The following WDR4 variants were observed in gnomAD, a reference collection of about 807,000 sequenced individuals.
WDR4 encodes the protein WDR4 tRNA N7-guanosine methyltransferase non-catalytic subunit, also known as tRNA (guanine-N(7)-)-methyltransferase non-catalytic subunit WDR4.
WDR4 carries 47 observed loss-of-function variants against 48.6 expected under a neutral mutation model. The observed-to-expected ratio is 0.97, with a 90% CI of 0.77 to 1.23. WDR4 has a LOEUF of 1.23. Among genes scored for constraint, WDR4 ranks in the 50% most tolerant of loss-of-function variants. The pLI is 0.00. For synonymous variants in WDR4, 268 were observed against 230.0 expected, an observed-to-expected ratio of 1.17 and a Z score of -1.49; for missense variants, 606 against 551.6, an observed-to-expected ratio of 1.10 and a Z score of -0.99.
downstream of WDR4, among the ~76,000 whole-genome samples, chr21:42,848,923 G>A (rs1201573477): frequency 4.0e-5 from 3 of 74,984 alleles, no homozygotes; most frequent in African/African-American, 1.1e-4. Context: ...ACGATCACGC[G>A]GCGCGCACCT....
At position 42,873,740 on chromosome 21, in the gene WDR4, G is replaced by A. The variant is rs773818706; in HGVS notation, c.156-49C>T. ...GTTAAGCTTCACCTAAGGAAATAAG[G>A]CTGCATTCCTTGTTGGCCAGCGTGG... On this transcript the variant is annotated intron_variant, in intron 2 of 10. Coordinates refer to ENST00000398208, the MANE Select transcript of WDR4 (RefSeq NM_018669.6). 14 of 1,588,336 alleles carry A rather than the reference G, an allele frequency of 8.8e-6. No individual in the cohort carries two copies. In the Admixed American group the frequency reaches 1.9e-4, roughly 22 times the overall value.
chr21:42,868,654 AC>A (rs2058303330), intron 3 of WDR4, among the ~76,000 whole-genome samples: 1 of 152,240 alleles, frequency 6.6e-6, no homozygotes, highest in African/African-American at 2.4e-5. Flanking sequence ...CTTGGGCCCC[AC>A]AGGCAGCCTA....
chr21:42,892,077 C>T, the WDR4 span, among the ~76,000 whole-genome samples: 1 of 150,896 alleles, frequency 6.6e-6, no homozygotes, highest in Non-Finnish European at 1.5e-5. Context: ...CACGGTGAAA[C>T]CCTGTCTCTA....
intron 10 of WDR4, among the ~76,000 whole-genome samples, chr21:42,851,229 C>T (rs897110167): frequency 1.1e-4 from 16 of 152,196 alleles, no homozygotes; most frequent in Non-Finnish European, 2.4e-4. Context: ...TGAGCACTGC[C>T]GCCTGCAGTC....
chr21:42,879,010 G>T, intron 1 of WDR4: 1 of 1,021,302 alleles, frequency 9.8e-7, no homozygotes, highest in Non-Finnish European at 1.2e-6. Context: ...CCCGAGACCC[G>T]CTTCTTCCCA....
rs775340362 is a variant in WDR4 at position 42,863,413 on chromosome 21, C to T, written c.453+27G>A. 3 of 1,593,602 alleles carry T rather than the reference C, an allele frequency of 1.9e-6. No homozygotes were observed. The South Asian group carries it at 3.3e-5, about 18-fold the overall frequency. On this transcript the variant is annotated intron_variant, in intron 4 of 10. Transcript: ENST00000398208. ...GTACCGTGTCCCACACCTGCCATGTCCCCCACCTACCACGTCCCCCACCTA... is the reference window on the plus strand; with the variant it reads ...GTACCGTGTCCCACACCTGCCATGTTCCCCACCTACCACGTCCCCCACCTA...
chr21:42,843,957 T>C (rs1253820250), intron 11 of WDR4, among the ~76,000 whole-genome samples: 1 of 152,220 alleles, frequency 6.6e-6, no homozygotes, highest in African/African-American at 2.4e-5. Context: ...TCCCAAAGTG[T>C]TGGGATCACA....
chr21:42,892,375 A>G, the WDR4 span, among the ~76,000 whole-genome samples: 1 of 151,714 alleles, frequency 6.6e-6, no homozygotes, highest in East Asian at 1.9e-4. Context: ...TTTGCCTCCC[A>G]GGGTGGATGG....
At chr21:42,871,895 A>G (rs2058376025) in intron 3 of WDR4, among the ~76,000 whole-genome samples, 1 of 152,272 alleles carries the variant, frequency 6.6e-6, no homozygotes, top group Non-Finnish European at 1.5e-5. Context: ...CACATAGAGT[A>G]GAAATGATGC....
chr21:42,845,492 C>T (rs6586249), downstream of WDR4, among the ~76,000 whole-genome samples: 64,214 of 152,046 alleles, frequency 0.42, 14,953 homozygotes, highest in African/African-American at 0.62. Context: ...TGAGTGCCCT[C>T]GTGAGCTTGC....
downstream of WDR4, among the ~76,000 whole-genome samples, chr21:42,845,695 G>A (rs545792759): frequency 2.9e-4 from 44 of 152,340 alleles, no homozygotes; most frequent in African/African-American, 9.4e-4. Flanking sequence ...AACACTAGGC[G>A]TTGAGGATGC....
chr21:42,852,225 C>T (rs1602693050), intron 10 of WDR4, 30 bp downstream of exon 10: 4 of 1,613,082 alleles, frequency 2.5e-6, no homozygotes, highest in African/African-American at 2.7e-5. Context: ...GGGTGTGACC[C>T]CCAAGGGCAG....
chr21:42,877,834 GGAGATC>G (rs1209101629), intron 1 of WDR4, among the ~76,000 whole-genome samples: 1 of 152,056 alleles, frequency 6.6e-6, no homozygotes, highest in African/African-American at 2.4e-5. Flanking sequence ...CACGAGGTCA[GGAGATC>G]GAGACCAGCC....
chr21:42,859,596 C>CGGGG, intron 6 of WDR4, 66 bp downstream of exon 6: 1 of 467,726 alleles, frequency 2.1e-6, no homozygotes, highest in Non-Finnish European at 3.9e-6. Flanking sequence ...GTCCAGGAGG[C>CGGGG]GCCCACCCCA....
At position 42,849,988 on chromosome 21, in the gene WDR4, AG is replaced by A; in HGVS notation, c.*60del. 1.9e-6 allele frequency: 3 copies of A among 1,594,178 alleles called. No homozygotes were observed. The highest frequency in any genetic ancestry group is 2.2e-5 in the South Asian group (2 of 89,064). On this transcript the variant is annotated 3_prime_UTR_variant, in exon 11 of 11. Transcript: ENST00000398208. ...TTCTTGAAGGGACATGCCAGGATGC[AG>A]GGGAACAAGTTAAAAAGCTTTTCCT...
the WDR4 span, among the ~76,000 whole-genome samples, chr21:42,892,280 A>G: frequency 1.3e-5 from 2 of 152,146 alleles, no homozygotes; most frequent in Non-Finnish European, 1.5e-5. Flanking sequence ...TTTAAACAAA[A>G]AAAAAATCTT....
intron 2 of WDR4, 115 bp downstream of exon 2, chr21:42,876,587 A>G: frequency 1.0e-6 from 1 of 965,148 alleles, no homozygotes; most frequent in Admixed American, 2.4e-5. Context: ...TATCTGCACC[A>G]CTGTGTGACA....
rs1344391572 is a variant in WDR4, at chr21:42,849,926, A to G, written c.*123T>C. 1.6e-6 allele frequency: 2 copies of G among 1,212,930 alleles called. No individual in the cohort carries two copies. Among genetic ancestry groups the G allele is most frequent in the East Asian group, 2.4e-5 (1 of 41,560 alleles). The allele number at this position is 1,212,930 out of a possible 1,614,324, so 75.1% of individuals were successfully genotyped here. A position where few individuals can be genotyped will look rare whatever the true frequency, so the allele number is the denominator to read the frequency against. ...TTTCTAGAGCCCAGGGGACAGCCCC[A>G]TCCTCTGAGCTGGTCACAACTGATG... On this transcript the variant is annotated 3_prime_UTR_variant, in exon 11 of 11. Transcript: ENST00000398208.
Position 42,853,482 on chromosome 21 carries a change from T to C in WDR4, c.975+87A>G, listed in dbSNP as rs965134863. On this transcript the variant is annotated intron_variant, in intron 9 of 10. Transcript: ENST00000398208. ...GGCTGAGTTGAAAGAGGCTTACCCA[T>C]GGACCCAAAAAACATAGCTGCCGCC... 4.2e-6 allele frequency: 6 copies of C among 1,436,508 alleles called. No individual in the cohort carries two copies. The Admixed American group carries it at 9.1e-5, about 22-fold the overall frequency. 89.0% of individuals were successfully genotyped at this position (1,436,508 alleles called of 1,614,324 possible). A position where few individuals can be genotyped will look rare whatever the true frequency, so the allele number is the denominator to read the frequency against.
Sources: allele counts gnomAD v4.1 joint callset (sites outside exome capture counted in the v4.1 genomes callset), GRCh38; gene constraint gnomAD v4.1.1; transcripts MANE v1.5; gene names NCBI Gene and HGNC (gene_info 2026-07-23, HGNC 2026-07-21).